The following PCDH15 variants were observed in gnomAD, a reference collection of about 807,000 sequenced individuals.
The protein encoded by PCDH15 is protocadherin related 15, also known as protocadherin-15.
In PCDH15, 129 loss-of-function variants were observed where a neutral mutation model predicts 178.5. That is an observed-to-expected ratio of 0.72 (90% confidence interval 0.63 to 0.84). The LOEUF (loss-of-function observed/expected upper bound fraction) is 0.84. Among genes scored for constraint, PCDH15 ranks in the 40% least tolerant of loss-of-function variants. PCDH15 has a pLI of 0.00. For synonymous variants in PCDH15, 800 were observed against 732.0 expected (o/e 1.09, Z -1.50); for missense variants, 2,230 against 2,099.9 (o/e 1.06, Z -1.21).
At chr10:54,275,098 A>G (rs1054797902) in intron 8 of PCDH15, among the ~76,000 whole-genome samples, 4 of 152,026 alleles carry the variant, frequency 2.6e-5, no homozygotes, top group Non-Finnish European at 2.9e-5. Flanking sequence ...AGAGAAAGCT[A>G]AAAACTATTA....
At chr10:54,224,086 A>T (rs558768715) in intron 9 of PCDH15, among the ~76,000 whole-genome samples, 8 of 152,314 alleles carry the variant, frequency 5.3e-5, no homozygotes, top group Middle Eastern at 3.4e-3. Flanking sequence ...CTTTACATAT[A>T]AAATTAGTAA....
intron 2 of PCDH15, among the ~76,000 whole-genome samples, chr10:55,122,179 G>T (rs1337364573): frequency 6.6e-6 from 1 of 152,044 alleles, no homozygotes; most frequent in Non-Finnish European, 1.5e-5. Context: ...TTTTATTTAT[G>T]TCATTAATTT....
chr10:53,827,268 G>T, intron 32 of PCDH15, 125 bp downstream of exon 32: 2 of 1,292,724 alleles, frequency 1.5e-6, no homozygotes, highest in East Asian at 2.7e-5. Context: ...ATTTTCTCTT[G>T]AAAATAATAG....
chr10:54,999,693 T>G (rs4290136), intron 2 of PCDH15, among the ~76,000 whole-genome samples: 111,640 of 152,018 alleles, frequency 0.73, 41,148 homozygotes, highest in East Asian at 0.87. Flanking sequence ...AGTACTGGGT[T>G]GAGCGATATC....
intron 2 of PCDH15, among the ~76,000 whole-genome samples, chr10:55,523,205 T>C (rs747909040): frequency 2.6e-5 from 4 of 151,554 alleles, no homozygotes; most frequent in Non-Finnish European, 3.0e-5. Flanking sequence ...CTCCCACTTT[T>C]TCTCCCTCTC....
At chr10:54,284,519 G>A (rs986850867) in intron 8 of PCDH15, among the ~76,000 whole-genome samples, 2 of 152,154 alleles carry the variant, frequency 1.3e-5, no homozygotes, top group East Asian at 3.9e-4. Flanking sequence ...TGAGGAATTC[G>A]TTAGTCTATC....
At chr10:54,592,804 C>T (rs971486921) in intron 2 of PCDH15, among the ~76,000 whole-genome samples, 1 of 152,096 alleles carries the variant, frequency 6.6e-6, no homozygotes, top group Non-Finnish European at 1.5e-5. Context: ...TTTACATTCC[C>T]ATCAATATGT....
At chr10:54,242,675 C>CA (rs1408139736) in intron 8 of PCDH15, among the ~76,000 whole-genome samples, 2 of 152,040 alleles carry the variant, frequency 1.3e-5, no homozygotes, top group Admixed American at 1.3e-4. Context: ...TTGAGATAGA[C>CA]ATAATAGAAG....
At chr10:55,352,265 T>G (rs1844957998) in intron 2 of PCDH15, among the ~76,000 whole-genome samples, 1 of 152,208 alleles carries the variant, frequency 6.6e-6, no homozygotes, top group Non-Finnish European at 1.5e-5. Flanking sequence ...TTTATGTTTA[T>G]TTTAGACTAT....
chr10:54,740,416 A>G (rs2132793697), intron 1 of PCDH15, among the ~76,000 whole-genome samples: 1 of 152,028 alleles, frequency 6.6e-6, no homozygotes, highest in South Asian at 2.1e-4. Context: ...ACCCTCCTAC[A>G]TTCTTGGTGG....
At chr10:53,953,318 C>T (rs544359866) in intron 23 of PCDH15, among the ~76,000 whole-genome samples, 1 of 152,302 alleles carries the variant, frequency 6.6e-6, no homozygotes, top group East Asian at 1.9e-4. Flanking sequence ...TCCATTTCAC[C>T]TAAGTGACTC....
chr10:55,071,692 C>T (rs550386681), intron 2 of PCDH15, among the ~76,000 whole-genome samples: 1 of 151,826 alleles, frequency 6.6e-6, no homozygotes, highest in Admixed American at 6.6e-5. Flanking sequence ...GATCAACGAG[C>T]CAGAAAGTTA....
At chr10:54,843,996 T>C (rs1240771117) in intron 3 of PCDH15, among the ~76,000 whole-genome samples, 1 of 152,030 alleles carries the variant, frequency 6.6e-6, no homozygotes, top group Non-Finnish European at 1.5e-5. Context: ...CATTTCAAAA[T>C]ATAACACAGA....
At position 55,299,238 on chromosome 10, in the gene PCDH15, T is replaced by C. The variant is rs1187059743; in HGVS notation, c.-156+20361A>G. Among the ~76,000 whole-genome samples, 4 of 152,284 alleles carry C rather than the reference T, an allele frequency of 2.6e-5. No homozygotes were observed. In the East Asian group the frequency reaches 5.8e-4, roughly 22 times the overall value. ...GTAACTTTCTCAACTCTTGGACAGA[T>C]AGAAATAAGATGTAACCCATCAATT... On this transcript the variant is annotated intron_variant, in intron 1 of 5. Coordinates refer to the PCDH15 transcript ENST00000458638.
At chr10:55,072,928 G>T (rs942430901) in intron 2 of PCDH15, among the ~76,000 whole-genome samples, 1 of 150,644 alleles carries the variant, frequency 6.6e-6, no homozygotes. Flanking sequence ...TCCTTGGGAT[G>T]CAAGGCTGGT....
At chr10:53,975,425 C>T (rs936704601) in intron 21 of PCDH15, among the ~76,000 whole-genome samples, 1 of 152,002 alleles carries the variant, frequency 6.6e-6, no homozygotes, top group African/African-American at 2.4e-5. Context: ...TTTTTTTCCC[C>T]CCATAACCTC....
At chr10:55,222,251 T>C (rs1840898482) in intron 1 of PCDH15, among the ~76,000 whole-genome samples, 1 of 152,032 alleles carries the variant, frequency 6.6e-6, no homozygotes, top group African/African-American at 2.4e-5. Context: ...CAATTGTTCC[T>C]GATAAGCTAG....
At chr10:54,220,815 A>T (rs1168431357) in intron 9 of PCDH15, among the ~76,000 whole-genome samples, 1 of 148,674 alleles carries the variant, frequency 6.7e-6, no homozygotes, top group East Asian at 2.0e-4. Flanking sequence ...ACAGAGCGAG[A>T]CTCCGTCTCA....
At chr10:54,908,530 C>A (rs1317806045) in intron 2 of PCDH15, among the ~76,000 whole-genome samples, 1 of 152,182 alleles carries the variant, frequency 6.6e-6, no homozygotes, top group Non-Finnish European at 1.5e-5. Context: ...TCACCTGCAA[C>A]ATGGCAGGCA....
Sources: allele counts gnomAD v4.1 joint callset (sites outside exome capture counted in the v4.1 genomes callset), GRCh38; gene constraint gnomAD v4.1.1; transcripts MANE v1.5; gene names NCBI Gene and HGNC (gene_info 2026-07-23, HGNC 2026-07-21).